OSBP2: variants seen among roughly 807,000 people sequenced by gnomAD.
OSBP2 encodes the protein oxysterol binding protein 2, also known as oxysterol-binding protein 2.
A neutral mutation model predicts 96.0 loss-of-function variants in OSBP2; 66 were observed. The observed-to-expected ratio is 0.69, with a 90% CI of 0.56 to 0.84. OSBP2 has a LOEUF of 0.84. Among genes scored for constraint, OSBP2 ranks in the 40% least tolerant of loss-of-function variants. OSBP2 has a pLI of 0.00. For missense variants in OSBP2, 1,038 were observed against 1,222.7 expected, an observed-to-expected ratio of 0.85 and a Z score of 2.25; for synonymous variants, 525 against 520.9, an observed-to-expected ratio of 1.01 and a Z score of -0.11.
At chr22:30,788,434 G>A (rs770289889) in intron 2 of OSBP2, among the ~76,000 whole-genome samples, 1 of 152,178 alleles carries the variant, frequency 6.6e-6, no homozygotes, top group South Asian at 2.1e-4. Context: ...CTTTCACTCA[G>A]AGCCCTCAGT....
chr22:30,779,254 T>A (rs1447077529), intron 2 of OSBP2, among the ~76,000 whole-genome samples: 131 of 141,110 alleles, frequency 9.3e-4, no homozygotes, highest in African/African-American at 3.5e-3. Context: ...GCTAATTTTT[T>A]TTTTTTTTTT....
intron 2 of OSBP2, among the ~76,000 whole-genome samples, chr22:30,836,568 TCTG>T (rs2038637739): frequency 6.6e-6 from 1 of 152,194 alleles, no homozygotes; most frequent in Non-Finnish European, 1.5e-5. Flanking sequence ...TGCTTAACCT[TCTG>T]CTGCTGCCAA....
rs1191165719 is a variant in OSBP2 at position 30,730,716 on chromosome 22, G to GTCTC, written c.645-10389_645-10386dup. ...CATCTGGATTCAGATTCGCTGCCCT[G>GTCTC]TCTCTCTCTCTCTCTCTCTCTCTCT... On this transcript the variant is annotated intron_variant, in intron 1 of 13. Coordinates refer to ENST00000332585, the MANE Select transcript of OSBP2 (RefSeq NM_030758.4). Among the ~76,000 whole-genome samples, 154 of 19,940 alleles carry GTCTC rather than the reference G, an allele frequency of 7.7e-3. 10 individuals are homozygous for GTCTC. Among genetic ancestry groups the GTCTC allele is most frequent in the Non-Finnish European group, 0.011 (110 of 10,362 alleles). 13.1% of individuals were successfully genotyped at this position (19,940 alleles called of 152,430 possible).
At chr22:30,730,970 C>T (rs5997747) in intron 1 of OSBP2, among the ~76,000 whole-genome samples, 1 of 149,636 alleles carries the variant, frequency 6.7e-6, no homozygotes, top group Non-Finnish European at 1.5e-5. Context: ...GTCAGGAGAT[C>T]GAGACCATCC....
chr22:30,836,349 G>A (rs935174113), intron 2 of OSBP2, among the ~76,000 whole-genome samples: 1 of 152,222 alleles, frequency 6.6e-6, no homozygotes, highest in Non-Finnish European at 1.5e-5. Context: ...ATGACTGGCA[G>A]AGCCAGGCTT....
chr22:30,851,556 C>G (rs1470054033), intron 2 of OSBP2, among the ~76,000 whole-genome samples: 12 of 151,956 alleles, frequency 7.9e-5, no homozygotes, highest in Non-Finnish European at 1.5e-5. Flanking sequence ...TCATTTCTTC[C>G]TTTCTAACCC....
At chr22:30,784,370 C>T (rs552323389) in intron 2 of OSBP2, among the ~76,000 whole-genome samples, 3 of 152,004 alleles carry the variant, frequency 2.0e-5, no homozygotes, top group African/African-American at 7.2e-5. Context: ...CCTCTCACCC[C>T]AACCTCCTGA....
intron 2 of OSBP2, among the ~76,000 whole-genome samples, chr22:30,814,093 C>T (rs2091049934): frequency 1.3e-5 from 2 of 152,150 alleles, no homozygotes. Flanking sequence ...TGCCCGGCCC[C>T]AGATGATGTT....
intron 2 of OSBP2, among the ~76,000 whole-genome samples, chr22:30,853,842 C>G (rs1278527684): frequency 6.6e-6 from 1 of 151,462 alleles, no homozygotes; most frequent in Non-Finnish European, 1.5e-5. Flanking sequence ...CATCTCAGCT[C>G]TGCCTCCTCG....
Position 30,870,294 on chromosome 22 carries a change from AG to A in OSBP2, c.854-133del. 3 of 928,772 alleles carry A rather than the reference AG, an allele frequency of 3.2e-6. No individual in the cohort carries two copies. In the South Asian group the frequency reaches 5.0e-5, roughly 15 times the overall value. 57.5% of individuals were successfully genotyped at this position (928,772 alleles called of 1,614,324 possible). On this transcript the variant is annotated intron_variant, in intron 2 of 13. Coordinates refer to ENST00000332585, the MANE Select transcript of OSBP2 (RefSeq NM_030758.4). The surrounding 1 kb of genome is among the most constrained non-coding windows in gnomAD (Gnocchi z 4.1). ...CAGGCACCTCACCCCGGCCAGGAACAGGAACGGGCACCATCTCGGGGACTGA... is the reference window on the plus strand; with the variant it reads ...CAGGCACCTCACCCCGGCCAGGAACAGAACGGGCACCATCTCGGGGACTGA...
chr22:30,867,240 C>T (rs777882143), intron 2 of OSBP2, among the ~76,000 whole-genome samples: 2 of 152,184 alleles, frequency 1.3e-5, no homozygotes, highest in Non-Finnish European at 2.9e-5. Flanking sequence ...TTGTCTTTCC[C>T]ATGGACTGCT....
intron 1 of OSBP2, among the ~76,000 whole-genome samples, chr22:30,712,536 A>G (rs1034891946): frequency 3.3e-5 from 5 of 152,218 alleles, no homozygotes; most frequent in Non-Finnish European, 7.3e-5. Context: ...TGAAATGAAA[A>G]GCAGAAAACT....
chr22:30,888,343 A>G lies in OSBP2; in HGVS notation c.1418+3A>G. On this transcript the variant is annotated splice_donor_region_variant and intron_variant, in intron 5 of 13. Transcript: ENST00000332585. The stretch of plus-strand genomic sequence containing the variant: ...ATCACCGAGGCCAAGGAAGACAGGT[A>G]AGGTGGCTGCAGCTGGGCAGAGCCT... 3.1e-6 allele frequency: 5 copies of G among 1,590,592 alleles called. No homozygotes were observed. The South Asian group carries it at 5.5e-5, about 18-fold the overall frequency.
intron 12 of OSBP2, among the ~76,000 whole-genome samples, chr22:30,901,449 A>T (rs1466882564): frequency 6.6e-6 from 1 of 152,266 alleles, no homozygotes; most frequent in Non-Finnish European, 1.5e-5. Context: ...ATTTTGCAGA[A>T]AAAACATATA....
At chr22:30,704,374 G>C (rs1030188632) in intron 1 of OSBP2, among the ~76,000 whole-genome samples, 1 of 152,124 alleles carries the variant, frequency 6.6e-6, no homozygotes, top group Non-Finnish European at 1.5e-5. Context: ...CTCCACCACC[G>C]AGTTGTGACA....
chr22:30,838,535 G>T, intron 2 of OSBP2, among the ~76,000 whole-genome samples: 1 of 152,114 alleles, frequency 6.6e-6, no homozygotes, highest in East Asian at 1.9e-4. Context: ...AGAAATCCTT[G>T]CCATGGTCCT....
At chr22:30,883,565 G>T (rs932315568) in intron 3 of OSBP2, among the ~76,000 whole-genome samples, 2 of 152,206 alleles carry the variant, frequency 1.3e-5, no homozygotes. Context: ...AGGGCAATGT[G>T]GGGAGGAGGG....
At chr22:30,782,742 C>T (rs1393541122) in intron 2 of OSBP2, among the ~76,000 whole-genome samples, 1 of 152,210 alleles carries the variant, frequency 6.6e-6, no homozygotes, top group Non-Finnish European at 1.5e-5. Context: ...ACAAATCTTT[C>T]TGTGGACATA....
chr22:30,753,083 G>A (rs575899412), intron 2 of OSBP2, among the ~76,000 whole-genome samples: 16 of 152,186 alleles, frequency 1.1e-4, no homozygotes, highest in East Asian at 9.7e-4. Flanking sequence ...GTGGCACTTC[G>A]AATTTTTTTT....
Sources: gnomAD v4.1 joint callset for allele counts (sites outside exome capture counted in the v4.1 genomes callset) on GRCh38, gnomAD v4.1.1 for gene constraint, Gnocchi (gnomAD v3.1) non-coding constraint, MANE v1.5 for transcripts, NCBI Gene and HGNC (gene_info 2026-07-23, HGNC 2026-07-21) for gene names.